The following IARS2 variants were observed in gnomAD, a reference collection of about 807,000 sequenced individuals.
IARS2 encodes isoleucyl-tRNA synthetase 2, mitochondrial.
Under a neutral mutation model 126.3 loss-of-function variants are expected in IARS2, and 56 were observed. The observed-to-expected ratio is 0.44, with a 90% CI of 0.36 to 0.55. The LOEUF (loss-of-function observed/expected upper bound fraction) is 0.55, where lower values mean the gene tolerates loss of function less well. Ranked by LOEUF, IARS2 falls within the 20% of genes least tolerant of loss-of-function variation. The pLI is 0.00. For missense variants in IARS2, 1,127 were observed against 1,245.9 expected, an observed-to-expected ratio of 0.90 and a Z score of 1.44; for synonymous variants, 407 against 441.1, an observed-to-expected ratio of 0.92 and a Z score of 0.97.
chr1:220,102,377 A>C lies in IARS2; in HGVS notation c.714A>C (p.Arg238=). The C allele has an allele frequency of 6.2e-7, 1 of 1,613,806 alleles. No homozygotes were observed. Among genetic ancestry groups the C allele is most frequent in the Non-Finnish European group, 8.5e-7 (1 of 1,179,942 alleles). Residue 238 remains arginine (R), a synonymous_variant, in exon 5 of 23, where the codon CGA becomes CGC. Coordinates refer to ENST00000366922, the MANE Select transcript of IARS2 (RefSeq NM_018060.4). The part of the protein sequence containing the change: ...YQMYDKGLVY[R]SYKPVFWSPS... The stretch of plus-strand genomic sequence containing the variant: ...GTCTTTTATAGGGCTTGGTTTATCG[A>C]TCTTACAAACCTGTGTTTTGGTCTC...
chr1:220,130,731 G>A (rs577906315), intron 14 of IARS2, among the ~76,000 whole-genome samples: 56 of 152,160 alleles, frequency 3.7e-4, no homozygotes, highest in African/African-American at 1.3e-3. Context: ...CTAATTTTTT[G>A]TATTTTTAGT....
intron 11 of IARS2, among the ~76,000 whole-genome samples, chr1:220,112,459 C>T (rs1306117168): frequency 6.6e-6 from 1 of 151,736 alleles, no homozygotes; most frequent in Admixed American, 6.6e-5. Context: ...TACCCCTTAA[C>T]AATTGGATTA....
chr1:220,141,958 A>G lies in IARS2; in HGVS notation c.2560+10A>G. 6.2e-7 allele frequency: 1 copy of G among 1,609,416 alleles called. No homozygotes were observed. The highest frequency in any genetic ancestry group is 8.5e-7 in the Non-Finnish European group (1 of 1,177,912). Reference sequence around the variant, plus strand: ...ATACCTTATATTAAAGGTAAGGAATACTTCATTTATTCTCTTAATGAGAAA... The same window carrying G: ...ATACCTTATATTAAAGGTAAGGAATGCTTCATTTATTCTCTTAATGAGAAA... On this transcript the variant is annotated intron_variant, in intron 20 of 22. Transcript: ENST00000366922.
intron 12 of IARS2, among the ~76,000 whole-genome samples, chr1:220,123,535 G>A (rs898024583): frequency 1.2e-4 from 19 of 152,010 alleles, no homozygotes; most frequent in African/African-American, 4.3e-4. Context: ...GTGCAGTGGC[G>A]CGATCTCAGC....
At position 220,125,308 on chromosome 1, in the gene IARS2, A is replaced by T; in HGVS notation, c.1712A>T (p.Glu571Val). 1 of 1,613,536 alleles carries T rather than the reference A, an allele frequency of 6.2e-7. No homozygotes were observed. The highest frequency in any genetic ancestry group is 8.5e-7 in the Non-Finnish European group (1 of 1,179,508). Residue 571 changes from glutamate to valine, a missense_variant, in exon 13 of 23, where the codon GAA (glutamate) becomes GTA (valine). Coordinates refer to ENST00000366922, the MANE Select transcript of IARS2 (RefSeq NM_018060.4). ...GSDIWWTLPP[E>V]QLLPKEVLSE... ...GATATCTGGTGGACTCTTCCCCCTG[A>T]ACAACTTCTTCCAAAAGAAGTCTTA...
chr1:220,125,694 A>G (rs1657139886), intron 13 of IARS2, among the ~76,000 whole-genome samples: 1 of 152,166 alleles, frequency 6.6e-6, no homozygotes. Flanking sequence ...AGTCCCAGCT[A>G]CTTGGGAGGT....
chr1:220,102,240 C>T lies in IARS2; in HGVS notation c.662C>T (p.Ala221Val). ...CYYTFDGKYE[A>V]KQLRTFYQMY... is the part of the protein sequence containing the mutation. ...TATACATTTGATGGGAAGTATGAAG[C>T]CAAACAGTTGAGAACTTTTTACCAA... is the stretch of plus-strand genomic sequence containing the variant. Residue 221 changes from alanine to valine, a missense_variant, in exon 4 of 23, where the codon GCC becomes GTC. Ala to Val is a moderately conservative substitution (Grantham distance 64, BLOSUM62 0). Coordinates refer to ENST00000366922, the MANE Select transcript of IARS2 (RefSeq NM_018060.4). The T allele has an allele frequency of 6.2e-7, 1 of 1,610,456 alleles. No homozygotes were observed. Among genetic ancestry groups the T allele is most frequent in the Non-Finnish European group, 8.5e-7 (1 of 1,179,236 alleles).
Position 220,116,186 on chromosome 1 carries a change from A to T in IARS2, c.1640+1712A>T, listed in dbSNP as rs142011272. 1.1e-3 allele frequency among the ~76,000 whole-genome samples: 175 copies of T among 152,234 alleles called. 1 individual carries two copies. Among genetic ancestry groups the T allele is most frequent in the African/African-American group, 4.1e-3 (172 of 41,544 alleles). On this transcript the variant is annotated intron_variant, in intron 12 of 22. Transcript: ENST00000366922. ...ATCATGCCAATGCACTCCAGCCTGGATGACAGAGCAAGACACTGTCTCTTC... is the reference window on the plus strand; with the variant it reads ...ATCATGCCAATGCACTCCAGCCTGGTTGACAGAGCAAGACACTGTCTCTTC...
chr1:220,124,692 G>T (rs1390663250), intron 12 of IARS2, among the ~76,000 whole-genome samples: 1 of 152,220 alleles, frequency 6.6e-6, no homozygotes, highest in African/African-American at 2.4e-5. Flanking sequence ...TGCATCTTGT[G>T]CAGATGCCTG....
chr1:220,101,977 C>CTCTA (rs1656583630), intron 3 of IARS2, 152 bp from the exon 4 acceptor site: 1 of 670,076 alleles, frequency 1.5e-6, no homozygotes, highest in Non-Finnish European at 2.5e-6. Context: ...CGCCACTGCA[C>CTCTA]TCTAGCCTGG....
rs374024744 is a variant in IARS2, at chr1:220,111,598, A to ATATGTGTGTG, written c.1479+662_1479+663insATGTGTGTGT. Among the ~76,000 whole-genome samples the ATATGTGTGTG allele has an allele frequency of 8.0e-3, 1,082 of 134,786 alleles. 19 individuals are homozygous for ATATGTGTGTG. The highest frequency in any genetic ancestry group is 0.06 in the East Asian group (274 of 4,548). The allele number at this position is 134,786 out of a possible 152,430, so 88.4% of individuals were successfully genotyped here. ...TGGGTATATATATATATATATATAT[A>ATATGTGTGTG]TGTGTGTGTGTGTGTGTGTGTGTGT... On this transcript the variant is annotated intron_variant, in intron 11 of 22. Coordinates refer to ENST00000366922, the MANE Select transcript of IARS2 (RefSeq NM_018060.4).
intron 16 of IARS2, among the ~76,000 whole-genome samples, chr1:220,137,202 G>A (rs528374515): frequency 5.3e-4 from 80 of 152,190 alleles, no homozygotes; most frequent in African/African-American, 1.7e-3. Context: ...TTGGGTTTTC[G>A]CACTATTGTG....
chr1:220,147,923 A>T lies in IARS2; in HGVS notation c.*288A>T. ...TAGTGGACTTATTCAGAACATAGAT[A>T]TGTATTCAGCTTGTCTTCAAATACG... is the stretch of plus-strand genomic sequence containing the variant. On this transcript the variant is annotated 3_prime_UTR_variant, in exon 23 of 23. Coordinates refer to ENST00000366922, the MANE Select transcript of IARS2 (RefSeq NM_018060.4). 1 of 407,970 alleles carries T rather than the reference A, an allele frequency of 2.5e-6. No individual in the cohort carries two copies. The highest frequency in any genetic ancestry group is 4.3e-6 in the Non-Finnish European group (1 of 231,002). The allele number at this position is 407,970 out of a possible 1,614,324, so 25.3% of individuals were successfully genotyped here. A position where few individuals can be genotyped will look rare whatever the true frequency, so the allele number is the denominator to read the frequency against.
At chr1:220,140,346 C>G in intron 19 of IARS2, 57 bp downstream of exon 19, 1 of 1,069,752 alleles carries the variant, frequency 9.3e-7, no homozygotes, top group Non-Finnish European at 1.4e-6. Context: ...TGACTCACGC[C>G]TGTAATCCCA....
At position 220,146,217 on chromosome 1, in the gene IARS2, C is replaced by T. The variant is rs907833413; in HGVS notation, c.2896+564C>T. 2.6e-5 allele frequency among the ~76,000 whole-genome samples: 4 copies of T among 152,078 alleles called. 1 individual carries two copies. Among genetic ancestry groups the T allele is most frequent in the Admixed American group, 6.6e-5 (1 of 15,264 alleles). ...ATCTTCATTGGTAGCGGTAGAGTTG[C>T]ATTAATAAAGAAAAATAGGCTGGGC... On this transcript the variant is annotated intron_variant, in intron 22 of 22. Transcript: ENST00000366922.
chr1:220,099,496 T>C (rs946732644), intron 2 of IARS2, among the ~76,000 whole-genome samples: 8 of 152,184 alleles, frequency 5.3e-5, no homozygotes, highest in African/African-American at 1.7e-4. Flanking sequence ...AAAAATCACA[T>C]GTGGCCAGTG....
intron 13 of IARS2, among the ~76,000 whole-genome samples, chr1:220,126,071 C>T (rs1657149866): frequency 6.8e-6 from 1 of 147,682 alleles, no homozygotes; most frequent in Non-Finnish European, 1.5e-5. Flanking sequence ...CGCACCACTG[C>T]ACTCTAGCCT....
At chr1:220,132,467 T>C (rs1382496987) in intron 14 of IARS2, among the ~76,000 whole-genome samples, 2 of 152,088 alleles carry the variant, frequency 1.3e-5, no homozygotes, top group African/African-American at 4.8e-5. Flanking sequence ...TTGTTTATAG[T>C]AGTCTGTGAT....
In IARS2 at chr1:220,121,116, ATGT is replaced by A. The variant is rs1451822541; in HGVS notation, c.1641-4116_1641-4114del. ...TGTAACAAGGAAAAAAATCTGAAGT[ATGT>A]TGTTTTATTTACAGTAGCCTTTTTG... On this transcript the variant is annotated intron_variant, in intron 12 of 22. Coordinates refer to ENST00000366922, the MANE Select transcript of IARS2 (RefSeq NM_018060.4). 2.0e-5 allele frequency among the ~76,000 whole-genome samples: 3 copies of A among 152,182 alleles called. No homozygotes were observed. In the East Asian group the frequency reaches 5.8e-4, roughly 29 times the overall value.
Sources: gnomAD v4.1 joint callset for allele counts (sites outside exome capture counted in the v4.1 genomes callset) on GRCh38, gnomAD v4.1.1 for gene constraint, MANE v1.5 for transcripts, NCBI Gene and HGNC (gene_info 2026-07-23, HGNC 2026-07-21) for gene names.